Variants in IGF2BP2 observed in about 807,000 individuals in gnomAD.
IGF2BP2 encodes the protein insulin-like growth factor 2 mRNA-binding protein 2.
A neutral mutation model predicts 75.8 loss-of-function variants in IGF2BP2; 17 were observed. That is an observed-to-expected ratio of 0.22 (90% confidence interval 0.15 to 0.34). The LOEUF is 0.34. IGF2BP2 is among the 10% of genes least tolerant of loss of function. The probability of loss-of-function intolerance (pLI) is 1.00; values close to 1 mark genes in which losing one functional copy is unlikely to be tolerated. For synonymous variants in IGF2BP2, 288 were observed against 295.6 expected, an observed-to-expected ratio of 0.97 and a Z score of 0.26; for missense variants, 516 against 772.4, an observed-to-expected ratio of 0.67 and a Z score of 3.93.
chr3:185,646,203 CA>C (rs1274053516), intron 15 of IGF2BP2, among the ~76,000 whole-genome samples: 1 of 152,138 alleles, frequency 6.6e-6, no homozygotes, highest in Non-Finnish European at 1.5e-5. Flanking sequence ...AGACAGCAGA[CA>C]GGGGCGTGGC....
At chr3:185,692,193 G>A (rs549025970) in intron 5 of IGF2BP2, among the ~76,000 whole-genome samples, 6 of 152,302 alleles carry the variant, frequency 3.9e-5, no homozygotes, top group African/African-American at 1.2e-4. Context: ...CAATTCTCTC[G>A]GCTGCTGCTC....
intron 2 of IGF2BP2, among the ~76,000 whole-genome samples, chr3:185,729,942 C>G (rs955357892): frequency 7.9e-5 from 12 of 152,124 alleles, no homozygotes; most frequent in Admixed American, 5.9e-4. Flanking sequence ...AACAATGTAT[C>G]CATTCTCGCT....
chr3:185,710,004 T>C (rs189878939), intron 2 of IGF2BP2, among the ~76,000 whole-genome samples: 165 of 152,348 alleles, frequency 1.1e-3, no homozygotes, highest in African/African-American at 3.5e-3. Context: ...TAAGCACTTA[T>C]GTTAGGTGTT....
chr3:185,809,955 G>GA (rs530845455), intron 2 of IGF2BP2, among the ~76,000 whole-genome samples: 4 of 152,132 alleles, frequency 2.6e-5, no homozygotes, highest in Non-Finnish European at 5.9e-5. Context: ...GACCAGTCCA[G>GA]AAAATAGAGT....
chr3:185,661,451 A>G (rs1224646430), intron 10 of IGF2BP2, among the ~76,000 whole-genome samples: 1 of 152,028 alleles, frequency 6.6e-6, no homozygotes, highest in African/African-American at 2.4e-5. Flanking sequence ...AGCCTGTCCA[A>G]CATGGCGAAA....
chr3:185,754,152 T>C (rs1192093196), intron 2 of IGF2BP2, among the ~76,000 whole-genome samples: 1 of 152,082 alleles, frequency 6.6e-6, no homozygotes, highest in Non-Finnish European at 1.5e-5. Flanking sequence ...AAGGTTGCAG[T>C]GAGCTGAGAT....
intron 6 of IGF2BP2, among the ~76,000 whole-genome samples, chr3:185,688,780 T>TTTA (rs1471339696): frequency 6.6e-6 from 1 of 152,238 alleles, no homozygotes; most frequent in Admixed American, 6.5e-5. Flanking sequence ...CCGAGCTTGC[T>TTTA]TTATTACATC....
chr3:185,744,952 G>A (rs747459325), intron 2 of IGF2BP2, among the ~76,000 whole-genome samples: 2 of 152,046 alleles, frequency 1.3e-5, no homozygotes, highest in Non-Finnish European at 2.9e-5. Context: ...CCAACTGTTC[G>A]ATGTTTAGGT....
intron 2 of IGF2BP2, among the ~76,000 whole-genome samples, chr3:185,781,626 G>A (rs2149803133): frequency 6.6e-6 from 1 of 152,280 alleles, no homozygotes; most frequent in South Asian, 2.1e-4. Context: ...GGACATATAT[G>A]CATGCCTTTA....
intron 2 of IGF2BP2, among the ~76,000 whole-genome samples, chr3:185,708,197 A>G (rs1724322209): frequency 1.3e-5 from 2 of 152,094 alleles, no homozygotes; most frequent in Admixed American, 1.3e-4. Flanking sequence ...GGTATTTTTG[A>G]CTTGTGGTCT....
At chr3:185,677,349 G>A (rs765404344) in intron 7 of IGF2BP2, among the ~76,000 whole-genome samples, 2 of 151,620 alleles carry the variant, frequency 1.3e-5, no homozygotes, top group African/African-American at 2.4e-5. Context: ...AGAAGCTGCT[G>A]AAAACAGAGG....
intron 2 of IGF2BP2, among the ~76,000 whole-genome samples, chr3:185,821,418 T>C (rs1177706950): frequency 6.6e-6 from 1 of 152,216 alleles, no homozygotes; most frequent in African/African-American, 2.4e-5. Context: ...ATGCCTTCAA[T>C]TCTGAACTCT....
chr3:185,768,634 T>A (rs1349352546), intron 2 of IGF2BP2, among the ~76,000 whole-genome samples: 1 of 152,222 alleles, frequency 6.6e-6, no homozygotes, highest in Non-Finnish European at 1.5e-5. Flanking sequence ...AATTCAGCAA[T>A]TTGTAGATTC....
intron 10 of IGF2BP2, among the ~76,000 whole-genome samples, chr3:185,659,442 C>T (rs1232690738): frequency 6.6e-6 from 1 of 152,190 alleles, no homozygotes; most frequent in African/African-American, 2.4e-5. Context: ...GGCGCGATCT[C>T]GGCTCACTGC....
chr3:185,659,415 C>T (rs1716037175), intron 10 of IGF2BP2, among the ~76,000 whole-genome samples: 1 of 152,122 alleles, frequency 6.6e-6, no homozygotes, highest in African/African-American at 2.4e-5. Context: ...ACTCTTTCGC[C>T]CAGGCTGGAG....
At chr3:185,806,376 TA>T (rs1189664753) in intron 2 of IGF2BP2, among the ~76,000 whole-genome samples, 2 of 152,150 alleles carry the variant, frequency 1.3e-5, no homozygotes, top group African/African-American at 4.8e-5. Flanking sequence ...TTTTAACTCA[TA>T]AAAAAGCATC....
intron 15 of IGF2BP2, among the ~76,000 whole-genome samples, chr3:185,646,601 G>A (rs1263651042): frequency 1.3e-5 from 2 of 152,200 alleles, no homozygotes; most frequent in Non-Finnish European, 1.5e-5. Context: ...GAGAAATGCC[G>A]TGAGCATGTA....
intron 2 of IGF2BP2, among the ~76,000 whole-genome samples, chr3:185,741,974 T>C (rs1729609609): frequency 6.6e-6 from 1 of 152,162 alleles, no homozygotes; most frequent in African/African-American, 2.4e-5. Context: ...ACACTAAAAA[T>C]GGTGTTGTAT....
intron 2 of IGF2BP2, among the ~76,000 whole-genome samples, chr3:185,764,080 A>G (rs1299405615): frequency 1.3e-5 from 2 of 152,190 alleles, no homozygotes; most frequent in African/African-American, 4.8e-5. Context: ...GGGAGCCACT[A>G]AAGGTTTTTA....
Sources: allele counts gnomAD v4.1 joint callset (sites outside exome capture counted in the v4.1 genomes callset), GRCh38; gene constraint gnomAD v4.1.1; transcripts MANE v1.5; gene names NCBI Gene and HGNC (gene_info 2026-07-23, HGNC 2026-07-21).